The following STAG1 variants were observed in gnomAD, a reference collection of about 807,000 sequenced individuals.
The protein encoded by STAG1 is STAG1 cohesin complex component, also known as cohesin subunit SA-1.
Under a neutral mutation model 170.9 loss-of-function variants are expected in STAG1, and 26 were observed. The ratio of observed to expected loss-of-function variants is 0.15; its 90% CI spans 0.11 to 0.21. STAG1 has a LOEUF of 0.21. STAG1 is among the 10% of genes least tolerant of loss of function. The pLI, the probability that STAG1 is intolerant of heterozygous loss-of-function variation, is 1.00. For missense variants in STAG1, 964 were observed against 1,509.5 expected, an observed-to-expected ratio of 0.64 and a Z score of 5.99; for synonymous variants, 514 against 497.7, an observed-to-expected ratio of 1.03 and a Z score of -0.44.
chr3:136,626,781 A>C (rs1235594812), intron 2 of STAG1, among the ~76,000 whole-genome samples: 1 of 152,224 alleles, frequency 6.6e-6, no homozygotes, highest in Non-Finnish European at 1.5e-5. Context: ...CCTTGTAAGA[A>C]GCATGTTATC....
intron 9 of STAG1, among the ~76,000 whole-genome samples, chr3:136,486,522 T>C (rs527752549): frequency 2.0e-5 from 3 of 152,210 alleles, no homozygotes; most frequent in South Asian, 2.1e-4. Context: ...CCAAGTAGTA[T>C]CTCTGCCGAG....
chr3:136,435,618 T>C (rs2088436804), intron 15 of STAG1, among the ~76,000 whole-genome samples: 1 of 152,204 alleles, frequency 6.6e-6, no homozygotes, highest in Admixed American at 6.6e-5. Flanking sequence ...TCTTAAGTCA[T>C]TTAATTAAAA....
chr3:136,594,642 T>TTA (rs1383212070), intron 4 of STAG1, among the ~76,000 whole-genome samples: 3 of 152,202 alleles, frequency 2.0e-5, no homozygotes, highest in Non-Finnish European at 2.9e-5. Context: ...GATCATTTGA[T>TTA]TGGTATAAAC....
chr3:136,348,976 T>C (rs1936337900), intron 29 of STAG1, 182 bp downstream of exon 29: 1 of 603,492 alleles, frequency 1.7e-6, no homozygotes, highest in African/African-American at 1.9e-5. Context: ...AACTTCTTTT[T>C]CCTTGATGCT....
chr3:136,420,901 A>C (rs2087934515), intron 20 of STAG1, among the ~76,000 whole-genome samples, 192 bp downstream of exon 20: 1 of 152,170 alleles, frequency 6.6e-6, no homozygotes, highest in East Asian at 1.9e-4. Flanking sequence ...CTCCTGCCTC[A>C]GCCTCCTGAG....
intron 1 of STAG1, among the ~76,000 whole-genome samples, chr3:136,725,983 GAAT>G (rs1293708620): frequency 1.3e-5 from 2 of 152,026 alleles, no homozygotes; most frequent in Non-Finnish European, 2.9e-5. Flanking sequence ...TACACATACA[GAAT>G]AAGAACACTT....
At chr3:136,433,769 T>G (rs2088377949) in intron 15 of STAG1, 110 bp from the exon 16 acceptor site, 1 of 743,038 alleles carries the variant, frequency 1.3e-6, no homozygotes, top group South Asian at 1.7e-5. Flanking sequence ...CTGCTTATTT[T>G]AAAGACTAAA....
intron 7 of STAG1, among the ~76,000 whole-genome samples, chr3:136,513,279 C>T (rs576813767): frequency 1.3e-5 from 2 of 152,012 alleles, no homozygotes; most frequent in African/African-American, 2.4e-5. Context: ...ATCCCTTGAA[C>T]CCAGGAGGCA....
chr3:136,395,547 G>A (rs769316189), intron 22 of STAG1, among the ~76,000 whole-genome samples: 1 of 152,128 alleles, frequency 6.6e-6, no homozygotes, highest in East Asian at 1.9e-4. Flanking sequence ...CTTGAACCCG[G>A]GAGGTAGAGG....
At chr3:136,713,128 C>T (rs1943430154) in intron 1 of STAG1, among the ~76,000 whole-genome samples, 1 of 152,118 alleles carries the variant, frequency 6.6e-6, no homozygotes, top group Non-Finnish European at 1.5e-5. Context: ...AGCAGTAATA[C>T]TTACAATGGT....
intron 22 of STAG1, among the ~76,000 whole-genome samples, chr3:136,391,350 G>A (rs998203718): frequency 6.7e-6 from 1 of 150,286 alleles, no homozygotes; most frequent in Non-Finnish European, 1.5e-5. Context: ...GAAAGTAATA[G>A]GGCATTACTT....
At chr3:136,699,540 A>G (rs1193507549) in intron 1 of STAG1, among the ~76,000 whole-genome samples, 2 of 149,352 alleles carry the variant, frequency 1.3e-5, no homozygotes, top group African/African-American at 4.9e-5. Context: ...AAGCGCCACC[A>G]CGTCTAATTT....
intron 7 of STAG1, among the ~76,000 whole-genome samples, chr3:136,504,067 T>C (rs1398752731): frequency 2.0e-5 from 3 of 152,186 alleles, no homozygotes; most frequent in South Asian, 4.1e-4. Context: ...TGTAAACATA[T>C]GTGTTTTCTA....
intron 9 of STAG1, 168 bp downstream of exon 9, chr3:136,500,052 CAGT>C (rs951839948): frequency 1.9e-5 from 10 of 531,160 alleles, no homozygotes; most frequent in Admixed American, 1.1e-4. Context: ...GTAGTGGCAG[CAGT>C]CATACAATTT....
chr3:136,563,504 T>C (rs1936924273), intron 5 of STAG1, among the ~76,000 whole-genome samples: 1 of 151,890 alleles, frequency 6.6e-6, no homozygotes, highest in South Asian at 2.1e-4. Context: ...CCCTCTAAAC[T>C]TTCCGACACA....
At chr3:136,358,665 C>CCCAG (rs1389023734) in intron 27 of STAG1, among the ~76,000 whole-genome samples, 2 of 152,154 alleles carry the variant, frequency 1.3e-5, no homozygotes, top group Admixed American at 1.3e-4. Flanking sequence ...ACCTCAAACT[C>CCCAG]CCAGTCTTAA....
intron 20 of STAG1, among the ~76,000 whole-genome samples, chr3:136,419,811 A>T (rs2087897129): frequency 6.6e-6 from 1 of 151,982 alleles, no homozygotes; most frequent in African/African-American, 2.4e-5. Flanking sequence ...AAAAGCTATC[A>T]TTTGAAAATT....
chr3:136,502,118 C>T (rs961648818), intron 8 of STAG1, among the ~76,000 whole-genome samples: 42 of 151,586 alleles, frequency 2.8e-4, no homozygotes, highest in African/African-American at 9.7e-4. Context: ...GTGGAGGTTG[C>T]GGTGAGTTGA....
At chr3:136,501,822 G>A (rs572788677) in intron 8 of STAG1, among the ~76,000 whole-genome samples, 7 of 152,158 alleles carry the variant, frequency 4.6e-5, no homozygotes, top group African/African-American at 1.4e-4. Context: ...CAAGTTATAA[G>A]ATAGACTAAT....
Sources: allele counts gnomAD v4.1 joint callset (sites outside exome capture counted in the v4.1 genomes callset), GRCh38; gene constraint gnomAD v4.1.1; transcripts MANE v1.5; gene names NCBI Gene and HGNC (gene_info 2026-07-23, HGNC 2026-07-21).